LINGO2: variants seen among roughly 807,000 people sequenced by gnomAD.
LINGO2 encodes the protein leucine rich repeat and Ig domain containing 2.
In LINGO2, 14 loss-of-function variants were observed where a neutral mutation model predicts 30.6. The ratio of observed to expected loss-of-function variants is 0.46; its 90% CI spans 0.30 to 0.72. LINGO2 has a LOEUF of 0.72. Among genes scored for constraint, LINGO2 ranks in the 30% least tolerant of loss-of-function variants. LINGO2 has a pLI of 0.07. For missense variants in LINGO2, 729 were observed against 751.7 expected, an observed-to-expected ratio of 0.97 and a Z score of 0.35; for synonymous variants, 317 against 288.5, an observed-to-expected ratio of 1.10 and a Z score of -1.00.
chr9:29,189,620 G>C, the LINGO2 span, among the ~76,000 whole-genome samples: 4 of 152,032 alleles, frequency 2.6e-5, no homozygotes, highest in Admixed American at 1.3e-4. Context: ...GGTGGCGGCC[G>C]GGCAGAGGCT....
intron 2 of LINGO2, among the ~76,000 whole-genome samples, chr9:28,435,169 T>G (rs1213659537): frequency 6.6e-6 from 1 of 152,202 alleles, no homozygotes; most frequent in Admixed American, 6.5e-5. Flanking sequence ...AATTAAATAA[T>G]ATAGACCAGA....
At chr9:28,156,785 C>A (rs1828143152) in intron 4 of LINGO2, among the ~76,000 whole-genome samples, 1 of 152,188 alleles carries the variant, frequency 6.6e-6, no homozygotes, top group Admixed American at 6.5e-5. Context: ...ACAAAGGGGC[C>A]ACAGGCCCCA....
intron 5 of LINGO2, among the ~76,000 whole-genome samples, chr9:27,988,224 C>T (rs180812096): frequency 7.8e-4 from 118 of 152,158 alleles, no homozygotes; most frequent in Non-Finnish European, 1.5e-3. Flanking sequence ...GTATATGTGC[C>T]ACATTTTCTC....
the LINGO2 span, among the ~76,000 whole-genome samples, chr9:28,861,312 A>G: frequency 4.6e-5 from 6 of 129,240 alleles, no homozygotes; most frequent in African/African-American, 1.7e-4. Flanking sequence ...TATATTTTAT[A>G]TAATATACTA....
At chr9:28,986,685 CA>C in the LINGO2 span, among the ~76,000 whole-genome samples, 1 of 151,910 alleles carries the variant, frequency 6.6e-6, no homozygotes, top group African/African-American at 2.4e-5. Context: ...TATCATAAGT[CA>C]AAAAGGCATT....
At chr9:28,894,360 T>C in the LINGO2 span, among the ~76,000 whole-genome samples, 1 of 152,178 alleles carries the variant, frequency 6.6e-6, no homozygotes. Context: ...TCTTACATGT[T>C]ACAACAATTC....
chr9:28,802,064 T>A, the LINGO2 span, among the ~76,000 whole-genome samples: 5 of 151,822 alleles, frequency 3.3e-5, no homozygotes, highest in Non-Finnish European at 5.9e-5. Context: ...TTTTAAAATA[T>A]AATAGATTTT....
At chr9:28,199,484 G>T (rs1253918014) in intron 4 of LINGO2, among the ~76,000 whole-genome samples, 1 of 151,934 alleles carries the variant, frequency 6.6e-6, no homozygotes, top group East Asian at 1.9e-4. Context: ...GACTACAGGC[G>T]CCCGCCACCA....
chr9:29,144,282 TA>T, the LINGO2 span, among the ~76,000 whole-genome samples: 1 of 152,070 alleles, frequency 6.6e-6, no homozygotes, highest in Non-Finnish European at 1.5e-5. Flanking sequence ...ATAGCTTTTT[TA>T]AAATTCTGTA....
chr9:28,004,567 G>C (rs1355562293), intron 5 of LINGO2, among the ~76,000 whole-genome samples: 1 of 152,124 alleles, frequency 6.6e-6, no homozygotes, highest in Non-Finnish European at 1.5e-5. Context: ...TGATGGTAAG[G>C]AGTGTGATAT....
intron 1 of LINGO2, among the ~76,000 whole-genome samples, chr9:28,488,918 C>T (rs1311209043): frequency 3.3e-5 from 5 of 152,146 alleles, no homozygotes; most frequent in South Asian, 2.1e-4. Context: ...TATAAATGTT[C>T]GACCAATAAA....
At chr9:28,848,758 A>G in the LINGO2 span, among the ~76,000 whole-genome samples, 1 of 151,722 alleles carries the variant, frequency 6.6e-6, no homozygotes, top group Non-Finnish European at 1.5e-5. Context: ...CATGTGGAAA[A>G]CATTTTTATC....
chr9:29,004,775 C>A, the LINGO2 span, among the ~76,000 whole-genome samples: 69,138 of 151,628 alleles, frequency 0.46, 16,436 homozygotes, highest in Middle Eastern at 0.53. Flanking sequence ...CACACACACA[C>A]AAAACATCAA....
intron 2 of LINGO2, among the ~76,000 whole-genome samples, chr9:28,392,923 G>T (rs1821896230): frequency 6.6e-6 from 1 of 152,152 alleles, no homozygotes; most frequent in Non-Finnish European, 1.5e-5. Context: ...TTTAGATGTA[G>T]GAAATGTAAC....
At chr9:28,696,782 G>A in the LINGO2 span, among the ~76,000 whole-genome samples, 7 of 151,964 alleles carry the variant, frequency 4.6e-5, no homozygotes, top group African/African-American at 1.4e-4. Context: ...AATCATTAAT[G>A]TCAAATAAGA....
chr9:28,616,120 A>T (rs902396789), intron 1 of LINGO2, among the ~76,000 whole-genome samples: 2 of 152,134 alleles, frequency 1.3e-5, no homozygotes, highest in African/African-American at 4.8e-5. Flanking sequence ...CAAGCTGTAC[A>T]TTAATGATTT....
chr9:28,538,675 G>GCC (rs1242417058), intron 1 of LINGO2, among the ~76,000 whole-genome samples: 4 of 152,054 alleles, frequency 2.6e-5, no homozygotes, highest in African/African-American at 9.7e-5. Flanking sequence ...TCTTGCTGTG[G>GCC]CCTCACATGG....
intron 4 of LINGO2, among the ~76,000 whole-genome samples, chr9:28,109,813 A>C (rs1022495073): frequency 6.6e-6 from 1 of 152,126 alleles, no homozygotes; most frequent in Non-Finnish European, 1.5e-5. Context: ...AATGACCATA[A>C]TGCCAAAGTA....
intron 1 of LINGO2, among the ~76,000 whole-genome samples, chr9:28,535,499 T>G (rs1049665256): frequency 2.0e-5 from 3 of 152,076 alleles, no homozygotes; most frequent in Non-Finnish European, 2.9e-5. Flanking sequence ...TGATATATAT[T>G]GCCATGATTT....
Sources: gnomAD v4.1 joint callset for allele counts (sites outside exome capture counted in the v4.1 genomes callset) on GRCh38, gnomAD v4.1.1 for gene constraint, MANE v1.5 for transcripts, NCBI Gene and HGNC (gene_info 2026-07-23, HGNC 2026-07-21) for gene names.